The following DRC11 variants were observed in gnomAD, a reference collection of about 807,000 sequenced individuals.
DRC11 encodes the protein IQ and AAA domain-containing protein 1.
At chr2:236,408,791 G>T in the DRC11 span, 1 of 670,194 alleles carries the variant, frequency 1.5e-6, no homozygotes, top group South Asian at 1.6e-5. This position sits in a 1 kb window ranked among gnomAD's most constrained non-coding sequence, Gnocchi z 5.5. Context: ...CTTGAGGTTT[G>T]AGGGGTTTCC....
chr2:236,367,398 G>C, the DRC11 span, among the ~76,000 whole-genome samples: 1 of 151,002 alleles, frequency 6.6e-6, no homozygotes, highest in Non-Finnish European at 1.5e-5. This position sits in a 1 kb window ranked among gnomAD's most constrained non-coding sequence, Gnocchi z 4.8. Flanking sequence ...CTTGCCAATA[G>C]GCAAGTTCTG....
the DRC11 span, among the ~76,000 whole-genome samples, chr2:236,369,854 G>A: frequency 4.6e-5 from 7 of 152,302 alleles, no homozygotes; most frequent in Admixed American, 2.0e-4. The surrounding 1 kb of genome is among the most constrained non-coding windows in gnomAD (Gnocchi z 4.5). Flanking sequence ...TCTTCCACAG[G>A]GGAGGGAAGA....
At chr2:236,318,334 A>G in the DRC11 span, among the ~76,000 whole-genome samples, 2 of 152,182 alleles carry the variant, frequency 1.3e-5, no homozygotes, top group African/African-American at 4.8e-5. This position sits in a 1 kb window ranked among gnomAD's most constrained non-coding sequence, Gnocchi z 7.0. Context: ...AAGAGGCCTG[A>G]GGCCCAGGGG....
chr2:236,398,148 G>A, the DRC11 span, among the ~76,000 whole-genome samples: 4 of 152,244 alleles, frequency 2.6e-5, no homozygotes, highest in African/African-American at 9.6e-5. The surrounding 1 kb of genome is among the most constrained non-coding windows in gnomAD (Gnocchi z 6.2). Flanking sequence ...AGCCTTGCAC[G>A]TCTTAGGTAC....
chr2:236,493,158 C>CCA, the DRC11 span, among the ~76,000 whole-genome samples: 10 of 152,226 alleles, frequency 6.6e-5, no homozygotes, highest in South Asian at 8.3e-4. Flanking sequence ...ACAGTTTGTG[C>CCA]AGGGAAACTC....
At chr2:236,336,843 C>T in the DRC11 span, among the ~76,000 whole-genome samples, 2 of 152,240 alleles carry the variant, frequency 1.3e-5, no homozygotes, top group Non-Finnish European at 1.5e-5. This position sits in a 1 kb window ranked among gnomAD's most constrained non-coding sequence, Gnocchi z 7.3. Context: ...CGTGTGTCCT[C>T]GGCCTCCCTC....
At chr2:236,459,973 T>G in the DRC11 span, among the ~76,000 whole-genome samples, 1 of 152,152 alleles carries the variant, frequency 6.6e-6, no homozygotes, top group Non-Finnish European at 1.5e-5. Context: ...GCATATTAAG[T>G]GCAACTTTTA....
the DRC11 span, among the ~76,000 whole-genome samples, chr2:236,499,925 C>T: frequency 8.5e-4 from 129 of 152,348 alleles, no homozygotes; most frequent in South Asian, 3.5e-3. This position sits in a 1 kb window ranked among gnomAD's most constrained non-coding sequence, Gnocchi z 4.7. Flanking sequence ...TCCAGGCATC[C>T]TCTGCCCCAG....
the DRC11 span, among the ~76,000 whole-genome samples, chr2:236,378,057 C>T: frequency 6.6e-6 from 1 of 152,060 alleles, no homozygotes; most frequent in Non-Finnish European, 1.5e-5. Context: ...TCCTGTGATC[C>T]AAGTTAGTGT....
At chr2:236,359,199 C>CTATATATAGTAGACTATATATACTATA in the DRC11 span, among the ~76,000 whole-genome samples, 16 of 151,564 alleles carry the variant, frequency 1.1e-4, no homozygotes, top group South Asian at 1.0e-3. This position sits in a 1 kb window ranked among gnomAD's most constrained non-coding sequence, Gnocchi z 4.3. Context: ...CCCTAGTAGA[C>CTATATATAGTAGACTATATATACTATA]TATATATAGT....
At chr2:236,313,186 C>T in the DRC11 span, among the ~76,000 whole-genome samples, 2 of 151,896 alleles carry the variant, frequency 1.3e-5, no homozygotes, top group African/African-American at 2.4e-5. The surrounding 1 kb of genome is among the most constrained non-coding windows in gnomAD (Gnocchi z 4.5). Flanking sequence ...GATATAAAGA[C>T]CTAACAAAGA....
the DRC11 span, chr2:236,419,360 T>C: frequency 6.8e-7 from 1 of 1,468,738 alleles, no homozygotes; most frequent in South Asian, 1.5e-5. The surrounding 1 kb of genome is among the most constrained non-coding windows in gnomAD (Gnocchi z 4.8). Flanking sequence ...GTTTTTGTGC[T>C]GGTCAGTGTC....
At chr2:236,436,338 C>T in the DRC11 span, among the ~76,000 whole-genome samples, 1 of 151,748 alleles carries the variant, frequency 6.6e-6, no homozygotes, top group African/African-American at 2.4e-5. Flanking sequence ...TTTTTTTTGG[C>T]CATTTTGCTA....
the DRC11 span, among the ~76,000 whole-genome samples, chr2:236,478,152 T>C: frequency 6.6e-6 from 1 of 152,122 alleles, no homozygotes; most frequent in Non-Finnish European, 1.5e-5. This position sits in a 1 kb window ranked among gnomAD's most constrained non-coding sequence, Gnocchi z 5.9. Flanking sequence ...TTGTTTGAGC[T>C]CTTTCTGTTT....
the DRC11 span, among the ~76,000 whole-genome samples, chr2:236,356,982 T>C: frequency 1.7e-5 from 2 of 118,564 alleles, no homozygotes; most frequent in East Asian, 4.3e-4. Context: ...TATATTCATA[T>C]ATTATATATC....
the DRC11 span, among the ~76,000 whole-genome samples, chr2:236,339,800 A>G: frequency 1.3e-5 from 2 of 152,176 alleles, no homozygotes; most frequent in African/African-American, 2.4e-5. Flanking sequence ...TGATTGTTGT[A>G]GCTTTGTGGT....
chr2:236,308,073 A>AGTGACGCAGGCGTCCTCG, the DRC11 span, among the ~76,000 whole-genome samples: 190 of 147,064 alleles, frequency 1.3e-3, 2 homozygotes, highest in African/African-American at 4.8e-3. This position sits in a 1 kb window ranked among gnomAD's most constrained non-coding sequence, Gnocchi z 6.0. Context: ...AGGCGTCCTC[A>AGTGACGCAGGCGTCCTCG]TGCGCTTGCA....
chr2:236,344,416 A>G, the DRC11 span: 7 of 625,324 alleles, frequency 1.1e-5, no homozygotes, highest in Non-Finnish European at 1.7e-5. Flanking sequence ...GTTAGGGCAG[A>G]CAGAGACCAC....
At chr2:236,324,476 C>T in the DRC11 span, 3 of 450,884 alleles carry the variant, frequency 6.7e-6, no homozygotes, top group Non-Finnish European at 1.2e-5. The surrounding 1 kb of genome is among the most constrained non-coding windows in gnomAD (Gnocchi z 5.7). Context: ...GGTGTCCAGC[C>T]TGGGAAAGGC....
Sources: gnomAD v4.1 joint callset for allele counts (sites outside exome capture counted in the v4.1 genomes callset) on GRCh38, gnomAD v4.1.1 for gene constraint, Gnocchi (gnomAD v3.1) non-coding constraint, MANE v1.5 for transcripts, NCBI Gene and HGNC (gene_info 2026-07-23, HGNC 2026-07-21) for gene names.